Variants in CPEB3 observed in about 807,000 individuals in gnomAD.
CPEB3 encodes the protein cytoplasmic polyadenylation element binding protein 3.
A neutral mutation model predicts 67.2 loss-of-function variants in CPEB3; 20 were observed. The observed-to-expected ratio is 0.30, with a 90% CI of 0.21 to 0.43. CPEB3 has a LOEUF of 0.43. Among genes scored for constraint, CPEB3 ranks in the 20% least tolerant of loss-of-function variants. The pLI is 1.00. For synonymous variants in CPEB3, 376 were observed against 393.1 expected (o/e 0.96, Z 0.51); for missense variants, 746 against 968.6 (o/e 0.77, Z 3.05).
intron 4 of CPEB3, among the ~76,000 whole-genome samples, chr10:92,167,857 G>A (rs555166329): frequency 6.6e-6 from 1 of 152,056 alleles, no homozygotes; most frequent in Non-Finnish European, 1.5e-5. Context: ...GCAGTAAGCT[G>A]AGACTGCACC....
At chr10:92,195,154 C>T (rs1849182179) in intron 2 of CPEB3, among the ~76,000 whole-genome samples, 1 of 151,740 alleles carries the variant, frequency 6.6e-6, no homozygotes, top group African/African-American at 2.4e-5. Context: ...GCAAGATAAG[C>T]ATACAACTCA....
chr10:92,053,723 A>G (rs951042598), intron 9 of CPEB3, among the ~76,000 whole-genome samples: 5 of 152,056 alleles, frequency 3.3e-5, no homozygotes, highest in African/African-American at 1.2e-4. Context: ...TTGTATTTTT[A>G]GTAGAGACGG....
At chr10:92,150,096 A>C (rs1436596216) in intron 4 of CPEB3, among the ~76,000 whole-genome samples, 6 of 152,182 alleles carry the variant, frequency 3.9e-5, no homozygotes, top group Admixed American at 3.9e-4. Flanking sequence ...TAAAAGACAG[A>C]ATGGTAGAGT....
chr10:92,269,874 T>C (rs1483580320), intron 1 of CPEB3, among the ~76,000 whole-genome samples: 1 of 152,122 alleles, frequency 6.6e-6, no homozygotes, highest in East Asian at 1.9e-4. Context: ...GAGTTATTTT[T>C]TATTCTTCCT....
chr10:92,215,648 G>A (rs888170909), intron 2 of CPEB3, among the ~76,000 whole-genome samples: 5 of 151,706 alleles, frequency 3.3e-5, no homozygotes, highest in Non-Finnish European at 7.4e-5. Context: ...TCACTGTGTT[G>A]GCCAGGCTGG....
intron 1 of CPEB3, among the ~76,000 whole-genome samples, chr10:92,275,847 T>C (rs980957737): frequency 2.1e-5 from 3 of 141,282 alleles, no homozygotes. Flanking sequence ...ATTCTTTTCT[T>C]TTTTTTTTTT....
intron 6 of CPEB3, among the ~76,000 whole-genome samples, chr10:92,130,434 C>A (rs1184422724): frequency 6.6e-6 from 1 of 152,038 alleles, no homozygotes; most frequent in East Asian, 1.9e-4. Flanking sequence ...CTTCGCCTTC[C>A]ATGGTCTCAG....
chr10:92,267,281 T>C (rs150253537), intron 1 of CPEB3, among the ~76,000 whole-genome samples: 1 of 152,316 alleles, frequency 6.6e-6, no homozygotes, highest in East Asian at 1.9e-4. Flanking sequence ...TTCTTGTTGT[T>C]TTACAACCCT....
intron 1 of CPEB3, chr10:92,272,010 T>C (rs1258095704): frequency 2.0e-5 from 3 of 152,200 alleles, no homozygotes; most frequent in Admixed American, 6.6e-5. Flanking sequence ...TTTATTTCTA[T>C]GGGTCCATAA....
chr10:92,213,769 TA>T (rs569079871), intron 2 of CPEB3, among the ~76,000 whole-genome samples: 36 of 152,254 alleles, frequency 2.4e-4, no homozygotes, highest in African/African-American at 8.2e-4. Flanking sequence ...AACACTATGT[TA>T]AAGCCCAACA....
chr10:92,066,767 G>T (rs546984966), intron 9 of CPEB3, among the ~76,000 whole-genome samples: 1 of 152,246 alleles, frequency 6.6e-6, no homozygotes, highest in African/African-American at 2.4e-5. Context: ...AATTTTGGCT[G>T]GGCGCGATAG....
Position 92,240,208 on chromosome 10 carries a change from T to C in CPEB3, c.143A>G (p.Glu48Gly), listed in dbSNP as rs1224018614. ...TPLSSETPKP[E>G]ENSAVPALSP... Reference sequence around the variant, plus strand: ...GAGGGCCGGCACTGCGCTGTTTTCCTCCGGCTTGGGGGTCTCTGAGGAGAG... The same window carrying C: ...GAGGGCCGGCACTGCGCTGTTTTCCCCCGGCTTGGGGGTCTCTGAGGAGAG... Residue 48 changes from glutamate to glycine, a missense_variant, in exon 2 of 10, where the codon GAG (glutamate) becomes GGG (glycine). By Grantham distance (98) the Glu-to-Gly change is moderately conservative. Around this residue, in one of 2 missense-constraint regions of CPEB3, gnomAD observed 643 missense variants for 717.5 expected, o/e 0.90. Transcript: ENST00000265997. 2.0e-6 allele frequency: 3 copies of C among 1,513,264 alleles called. No individual in the cohort carries two copies. The highest frequency in any genetic ancestry group is 2.7e-6 in the Non-Finnish European group (3 of 1,127,864). The allele number at this position is 1,513,264 out of a possible 1,614,324, so 93.7% of individuals were successfully genotyped here. A position where few individuals can be genotyped will look rare whatever the true frequency, so the allele number is the denominator to read the frequency against.
chr10:92,264,820 G>A (rs986679531), intron 1 of CPEB3, among the ~76,000 whole-genome samples: 1 of 152,116 alleles, frequency 6.6e-6, no homozygotes, highest in Non-Finnish European at 1.5e-5. Flanking sequence ...GGGAGGCCGA[G>A]GCAGGACGAC....
intron 2 of CPEB3, among the ~76,000 whole-genome samples, chr10:92,198,718 T>C (rs949933494): frequency 1.1e-4 from 17 of 152,238 alleles, no homozygotes; most frequent in Middle Eastern, 3.2e-3. Flanking sequence ...GAGTAGGTAT[T>C]ATCTCCATTT....
rs1842267090 is a variant in CPEB3, at chr10:92,280,896, A to AT, written c.-12+10029dup. 2.0e-5 allele frequency among the ~76,000 whole-genome samples: 3 copies of AT among 149,910 alleles called. No individual in the cohort carries two copies. In the South Asian group the frequency reaches 6.3e-4, roughly 32 times the overall value. On this transcript the variant is annotated intron_variant, in intron 1 of 9. Coordinates refer to ENST00000265997, the MANE Select transcript of CPEB3 (RefSeq NM_014912.5). ...TGCCTCAGCCTCCTGAGTAGCTGGG[A>AT]TTACAGGTGTGTGCCACCACGCCCG...
intron 1 of CPEB3, among the ~76,000 whole-genome samples, chr10:92,254,885 T>A (rs1006449501): frequency 4.6e-5 from 7 of 151,966 alleles, no homozygotes; most frequent in African/African-American, 1.7e-4. Flanking sequence ...TTTTATTTTT[T>A]TTTCTGGCGA....
chr10:92,066,204 C>T (rs900076113), intron 9 of CPEB3, among the ~76,000 whole-genome samples: 4 of 152,012 alleles, frequency 2.6e-5, no homozygotes, highest in African/African-American at 9.7e-5. Flanking sequence ...AAAAAATATA[C>T]TATGCAATGG....
At chr10:92,074,364 G>T (rs979164666) in intron 9 of CPEB3, among the ~76,000 whole-genome samples, 16 of 152,188 alleles carry the variant, frequency 1.1e-4, no homozygotes, top group Non-Finnish European at 2.2e-4. Flanking sequence ...TAGTTACACT[G>T]AAAGACAGTT....
chr10:92,168,698 G>A (rs1847859881), intron 4 of CPEB3, among the ~76,000 whole-genome samples: 1 of 150,382 alleles, frequency 6.6e-6, no homozygotes. Flanking sequence ...GTCATGTGAA[G>A]AAGGATGTGT....
Sources: gnomAD v4.1 joint callset for allele counts (sites outside exome capture counted in the v4.1 genomes callset) on GRCh38, gnomAD v4.1.1 for gene constraint, gnomAD v4.1.1 regional missense constraint, MANE v1.5 for transcripts, NCBI Gene and HGNC (gene_info 2026-07-23, HGNC 2026-07-21) for gene names.